TYSND1: variants seen among roughly 807,000 people sequenced by gnomAD.
TYSND1 encodes peroxisomal leader peptide-processing protease.
A neutral mutation model predicts 37.2 loss-of-function variants in TYSND1; 30 were observed. The ratio of observed to expected loss-of-function variants is 0.81; its 90% CI spans 0.60 to 1.09. The LOEUF is 1.09. Among genes scored for constraint, TYSND1 ranks in the 50% least tolerant of loss-of-function variants. The pLI, the probability that TYSND1 is intolerant of heterozygous loss-of-function variation, is 0.00. For synonymous variants in TYSND1, 364 were observed against 383.8 expected (o/e 0.95, Z 0.60); for missense variants, 806 against 817.4 (o/e 0.99, Z 0.17).
Position 70,142,801 on chromosome 10 carries a change from G to GGATGCCTTT in TYSND1, c.1349_1350insAAAGGCATC (p.Pro450_Ser451insLysAlaSer). ...CCGAAAGGATGCCTGAGGTCACCGA[G>GGATGCCTTT]GGCCCGCAAGACTGGCCAAAGACGC... is the stretch of plus-strand genomic sequence containing the variant. On this transcript the variant is annotated inframe_insertion, in exon 3 of 4. Coordinates refer to ENST00000287078, the MANE Select transcript of TYSND1 (RefSeq NM_173555.4). 6.2e-7 allele frequency: 1 copy of GGATGCCTTT among 1,614,124 alleles called. No homozygotes were observed. Among genetic ancestry groups the GGATGCCTTT allele is most frequent in the Non-Finnish European group, 8.5e-7 (1 of 1,180,022 alleles).
rs182066242 is a variant in TYSND1, at chr10:70,139,525, T to C, written c.*399A>G. 1.6e-3 allele frequency: 259 copies of C among 164,596 alleles called. No homozygotes were observed. The highest frequency in any genetic ancestry group is 0.015 in the Middle Eastern group (5 of 340). The allele number at this position is 164,596 out of a possible 1,614,324, so 10.2% of individuals were successfully genotyped here. ...GAGGCAGACAGGAGCCAAGGCCCCA[T>C]TGAAGCTCCAGGATGACGATGGCCC... is the stretch of plus-strand genomic sequence containing the variant. On this transcript the variant is annotated 3_prime_UTR_variant, in exon 4 of 4. Transcript: ENST00000287078.
At chr10:70,140,214 T>C (rs2072744025) in intron 3 of TYSND1, 73 bp from the exon 4 acceptor site, 2 of 1,307,830 alleles carry the variant, frequency 1.5e-6, no homozygotes, top group East Asian at 2.4e-5. Flanking sequence ...AGGAGGACCA[T>C]CTCCACCCTG....
At position 70,142,698 on chromosome 10, in the gene TYSND1, G is replaced by A; in HGVS notation, c.1453C>T (p.Leu485Phe). 2 of 1,604,086 alleles carry A rather than the reference G, an allele frequency of 1.2e-6. No individual in the cohort carries two copies. The highest frequency in any genetic ancestry group is 2.2e-5 in the South Asian group (2 of 89,814). ...AVHSGSSGGP[L>F]FSNHSGNLLG... The stretch of plus-strand genomic sequence containing the variant: ...AGGTTTCCTGAGTGGTTGGAGAAGA[G>A]GGGTCCCCCACTGGAGCCGCTGTGC... The change falls in exon 3 of 4, where the codon CTC (leucine) becomes TTC (phenylalanine). Residue 485 changes from leucine to phenylalanine, a missense_variant. By Grantham distance (22) the Leu-to-Phe change is conservative. Coordinates refer to ENST00000287078, the MANE Select transcript of TYSND1 (RefSeq NM_173555.4).
Position 70,140,043 on chromosome 10 carries a change from G to A in TYSND1, c.1582C>T (p.Gln528Ter), listed in dbSNP as rs1193060092. Reference sequence around the variant, plus strand: ...CCTAGGTCTTGGGTCTGGCTGTACTGCTGCAGGGCCGGCTGGAGCACCGTG... The same window carrying A: ...CCTAGGTCTTGGGTCTGGCTGTACTACTGCAGGGCCGGCTGGAGCACCGTG... Reference protein sequence around the residue: ...PITVLQPALQQYSQTQDLGGL... With the variant: ...PITVLQPALQ Residue 528 changes from glutamine (Q) to a stop codon, truncating the protein, a stop_gained, in exon 4 of 4, where the codon CAG (glutamine) becomes TAG (stop). Coordinates refer to ENST00000287078, the MANE Select transcript of TYSND1 (RefSeq NM_173555.4). LOFTEE classifies it high-confidence loss of function. 6.2e-7 allele frequency: 1 copy of A among 1,614,090 alleles called. No individual in the cohort carries two copies. Among genetic ancestry groups the A allele is most frequent in the Admixed American group, 1.7e-5 (1 of 60,008 alleles).
At chr10:70,143,707 A>G (rs1473942199) in intron 2 of TYSND1, 135 bp downstream of exon 2, 4 of 1,116,358 alleles carry the variant, frequency 3.6e-6, no homozygotes, top group East Asian at 5.1e-5. Context: ...ACCAGCACAA[A>G]AAGGGAGGCA....
In TYSND1 at chr10:70,139,341, C is replaced by G. The variant is rs2072721378; in HGVS notation, c.*583G>C. 6.5e-6 allele frequency: 1 copy of G among 152,728 alleles called. No homozygotes were observed. Among genetic ancestry groups the G allele is most frequent in the Non-Finnish European group, 1.5e-5 (1 of 68,118 alleles). 9.5% of individuals were successfully genotyped at this position (152,728 alleles called of 1,614,324 possible). A position where few individuals can be genotyped will look rare whatever the true frequency, so the allele number is the denominator to read the frequency against. On this transcript the variant is annotated 3_prime_UTR_variant, in exon 4 of 4. Coordinates refer to ENST00000287078, the MANE Select transcript of TYSND1 (RefSeq NM_173555.4). ...GCGCCCCTGTTGGCATATGAAGACC[C>G]AGGAGTGCTGACCTTCAGGGATCTG... is the stretch of plus-strand genomic sequence containing the variant.
At chr10:70,141,866 C>T (rs2072781940) in intron 3 of TYSND1, among the ~76,000 whole-genome samples, 1 of 152,182 alleles carries the variant, frequency 6.6e-6, no homozygotes, top group Non-Finnish European at 1.5e-5. Flanking sequence ...CGAGCTACCA[C>T]ACCAGGCCTA....
In TYSND1 at chr10:70,143,849, G is replaced by T; in HGVS notation, c.1290C>A (p.Phe430Leu). ...DVPIPVPAEH[F>L]HEGEAVSVVG... Reference sequence around the variant, plus strand: ...GCGCCCTTCGTCCTTTACCTTCATGGAAGTGCTCAGCGGGCACAGGGATGG... The same window carrying T: ...GCGCCCTTCGTCCTTTACCTTCATGTAAGTGCTCAGCGGGCACAGGGATGG... The change falls in exon 2 of 4, where the codon TTC (phenylalanine) becomes TTA (leucine). Residue 430 changes from phenylalanine (F) to leucine (L), a missense_variant. Around this residue, in one of 3 missense-constraint regions of TYSND1, gnomAD observed 708 missense variants for 705.4 expected, o/e 1.00. Coordinates refer to ENST00000287078, the MANE Select transcript of TYSND1 (RefSeq NM_173555.4). 6.2e-7 allele frequency: 1 copy of T among 1,614,144 alleles called. No homozygotes were observed. The highest frequency in any genetic ancestry group is 1.7e-5 in the Admixed American group (1 of 60,010).
chr10:70,142,608 T>C (rs1350156852), intron 3 of TYSND1, 60 bp downstream of exon 3: 2 of 1,294,496 alleles, frequency 1.5e-6, no homozygotes, highest in East Asian at 3.6e-5. Context: ...CAAGCACTCA[T>C]GGGGTGGGAC....
Position 70,146,670 on chromosome 10 carries a change from G to A in TYSND1, c.-84C>T, listed in dbSNP as rs867857641. 2.3e-6 allele frequency: 3 copies of A among 1,319,724 alleles called. No individual in the cohort carries two copies. The highest frequency in any genetic ancestry group is 3.0e-6 in the Non-Finnish European group (3 of 1,009,838). The allele number at this position is 1,319,724 out of a possible 1,614,324, so 81.8% of individuals were successfully genotyped here. A position where few individuals can be genotyped will look rare whatever the true frequency, so the allele number is the denominator to read the frequency against. ...ACCCCTACCCGGTCCGGCTGAAGCT[G>A]CCTAGCGCCACCCACAGCTGGAAGC... On this transcript the variant is annotated 5_prime_UTR_variant, in exon 1 of 4. Coordinates refer to ENST00000287078, the MANE Select transcript of TYSND1 (RefSeq NM_173555.4).
In TYSND1 at chr10:70,146,456, C is replaced by A. The variant is rs747532108; in HGVS notation, c.131G>T (p.Gly44Val). The change falls in exon 1 of 4, where the codon GGC becomes GTC. Residue 44 changes from glycine to valine, a missense_variant. Physicochemically the swap from Gly to Val is moderately radical, Grantham distance 109 (BLOSUM62 -3). Around this residue, in one of 3 missense-constraint regions of TYSND1, gnomAD observed 84 missense variants for 79.0 expected, o/e 1.06. Transcript: ENST00000287078. The part of the protein sequence containing the change: ...CSGVILSRSP[G>V]LVLCHGGIFV... ...GATGCCCCCGTGGCAAAGCACCAGG[C>A]CCGGGCTACGGCTCAGGATTACCCC... The A allele has an allele frequency of 6.2e-7, 1 of 1,603,948 alleles. No individual in the cohort carries two copies. The highest frequency in any genetic ancestry group is 1.7e-5 in the Admixed American group (1 of 59,592).
chr10:70,140,971 T>G (rs1169621443), intron 3 of TYSND1, among the ~76,000 whole-genome samples: 1 of 13,870 alleles, frequency 7.2e-5, no homozygotes, highest in African/African-American at 1.2e-4. Context: ...TTATTTACAG[T>G]TTTTTTTTTT....
At position 70,145,429 on chromosome 10, in the gene TYSND1, G is replaced by C. The variant is rs759195775; in HGVS notation, c.1158C>G (p.Thr386=). ...REAARVLVRS[T]TPKSVAIWGR... is the part of the protein sequence containing the mutation. Reference sequence around the variant, plus strand: ...CAGCCCTGCGGGCTTACTTGGGGGTGGTGGAGCGCACCAGGACCCTGGCTG... The same window carrying C: ...CAGCCCTGCGGGCTTACTTGGGGGTCGTGGAGCGCACCAGGACCCTGGCTG... Residue 386 remains threonine, a synonymous_variant, in exon 1 of 4, where the codon ACC becomes ACG. Transcript: ENST00000287078. The C allele has an allele frequency of 1.4e-6, 2 of 1,435,144 alleles. No individual in the cohort carries two copies. Among genetic ancestry groups the C allele is most frequent in the South Asian group, 1.5e-5 (1 of 65,066 alleles). The allele number at this position is 1,435,144 out of a possible 1,614,324, so 88.9% of individuals were successfully genotyped here. A position where few individuals can be genotyped will look rare whatever the true frequency, so the allele number is the denominator to read the frequency against.
At position 70,146,655 on chromosome 10, in the gene TYSND1, G is replaced by A. The variant is rs1048308175; in HGVS notation, c.-69C>T. The stretch of plus-strand genomic sequence containing the variant: ...AGCTAGCGAGCGAGGACCCCTACCC[G>A]GTCCGGCTGAAGCTGCCTAGCGCCA... On this transcript the variant is annotated 5_prime_UTR_variant, in exon 1 of 4. Coordinates refer to ENST00000287078, the MANE Select transcript of TYSND1 (RefSeq NM_173555.4). 7.8e-5 allele frequency: 108 copies of A among 1,392,300 alleles called. No individual in the cohort carries two copies. Among genetic ancestry groups the A allele is most frequent in the Middle Eastern group, 5.1e-4 (2 of 3,892 alleles). The allele number at this position is 1,392,300 out of a possible 1,614,324, so 86.2% of individuals were successfully genotyped here.
chr10:70,140,794 G>A (rs1312529201), intron 3 of TYSND1, among the ~76,000 whole-genome samples: 1 of 152,098 alleles, frequency 6.6e-6, no homozygotes, highest in Non-Finnish European at 1.5e-5. Flanking sequence ...GACATGAGTT[G>A]CACTAGTTTT....
chr10:70,146,288 C>G lies in TYSND1; in HGVS notation c.299G>C (p.Arg100Pro). ...TAAGPGGGAE[R>P]GRPGLCTPQC... The stretch of plus-strand genomic sequence containing the variant: ...GGGCGTGCACAGCCCTGGGCGGCCC[C>G]GCTCCGCGCCGCCCCCGGGACCCGC... Residue 100 changes from arginine (R) to proline (P), a missense_variant, in exon 1 of 4, where the codon CGG (arginine) becomes CCG (proline). Physicochemically the swap from Arg to Pro is moderately radical, Grantham distance 103. Transcript: ENST00000287078. 6.8e-7 allele frequency: 1 copy of G among 1,473,126 alleles called. No individual in the cohort carries two copies. The highest frequency in any genetic ancestry group is 1.4e-5 in the South Asian group (1 of 73,392). The allele number at this position is 1,473,126 out of a possible 1,614,324, so 91.3% of individuals were successfully genotyped here. A position where few individuals can be genotyped will look rare whatever the true frequency, so the allele number is the denominator to read the frequency against.
intron 3 of TYSND1, 116 bp downstream of exon 3, chr10:70,142,552 T>G: frequency 9.9e-7 from 1 of 1,012,012 alleles, no homozygotes; most frequent in East Asian, 2.7e-5. Flanking sequence ...AGCTCACTCA[T>G]AATGCCCACC....
In TYSND1 at chr10:70,139,888, AAG is replaced by A. The variant is rs1338255661; in HGVS notation, c.*34_*35del. On this transcript the variant is annotated 3_prime_UTR_variant, in exon 4 of 4. Coordinates refer to ENST00000287078, the MANE Select transcript of TYSND1 (RefSeq NM_173555.4). ...TCAACATCACTTCCTACAGCAGAAA[AAG>A]GTCACTCTTCTTTCCAAAGGTGGTA... The A allele has an allele frequency of 1.3e-6, 2 of 1,586,558 alleles. No homozygotes were observed. The highest frequency in any genetic ancestry group is 1.7e-6 in the Non-Finnish European group (2 of 1,162,320).
intron 1 of TYSND1, chr10:70,144,807 C>T (rs2072851148): frequency 1.0e-6 from 1 of 985,278 alleles, no homozygotes. Flanking sequence ...GTTACCCACA[C>T]CTGGCTAAGC....
Sources: gnomAD v4.1 joint callset for allele counts (sites outside exome capture counted in the v4.1 genomes callset) on GRCh38, gnomAD v4.1.1 for gene constraint, gnomAD v4.1.1 regional missense constraint, MANE v1.5 for transcripts, NCBI Gene and HGNC (gene_info 2026-07-23, HGNC 2026-07-21) for gene names.